The following RGS17 variants were observed in gnomAD, a reference collection of about 807,000 sequenced individuals.
The protein encoded by RGS17 is regulator of G protein signaling 17, also known as regulator of G-protein signaling 17.
A neutral mutation model predicts 25.5 loss-of-function variants in RGS17; 12 were observed. The observed-to-expected ratio is 0.47, with a 90% CI of 0.30 to 0.76. The LOEUF is 0.76. Among genes scored for constraint, RGS17 ranks in the 30% least tolerant of loss-of-function variants. The pLI is 0.07. For synonymous variants in RGS17, 71 were observed against 76.9 expected (o/e 0.92, Z 0.40); for missense variants, 196 against 242.2 (o/e 0.81, Z 1.27).
intron 1 of RGS17, among the ~76,000 whole-genome samples, chr6:153,075,899 T>G (rs1333588174): frequency 2.0e-5 from 3 of 152,160 alleles, no homozygotes; most frequent in Non-Finnish European, 4.4e-5. Context: ...TACAAAACAA[T>G]GACACATAGG....
At chr6:153,013,580 T>G (rs1211170346) in intron 4 of RGS17, among the ~76,000 whole-genome samples, 1 of 152,206 alleles carries the variant, frequency 6.6e-6, no homozygotes, top group Non-Finnish European at 1.5e-5. Flanking sequence ...CTGAGACTGG[T>G]CAAAAGCTGG....
intron 1 of RGS17, among the ~76,000 whole-genome samples, chr6:153,078,169 G>C (rs952186134): frequency 1.3e-5 from 2 of 152,106 alleles, no homozygotes; most frequent in Admixed American, 1.3e-4. Context: ...GCGCCCAGCT[G>C]ACTTACACTA....
intron 1 of RGS17, among the ~76,000 whole-genome samples, chr6:153,046,931 T>C (rs1304816741): frequency 6.6e-6 from 1 of 152,016 alleles, no homozygotes; most frequent in African/African-American, 2.4e-5. Context: ...TAAAAAGAAA[T>C]CTACACTTAT....
chr6:153,116,316 G>C (rs1354656051), intron 1 of RGS17, among the ~76,000 whole-genome samples: 1 of 152,078 alleles, frequency 6.6e-6, no homozygotes, highest in Non-Finnish European at 1.5e-5. Flanking sequence ...ACAAACACAT[G>C]AAAAAAAGCT....
chr6:153,115,524 T>C lies in RGS17; in HGVS notation c.-26+15600A>G, dbSNP rs149203033. Among the ~76,000 whole-genome samples the C allele has an allele frequency of 4.4e-3, 666 of 152,286 alleles. 3 individuals carry two copies. Among genetic ancestry groups the C allele is most frequent in the African/African-American group, 0.014 (586 of 41,562 alleles). ...CCAAAGTAATTTATAGATTCAATGC[T>C]ATCCCCATCTAGCTGCCATTGACTT... On this transcript the variant is annotated intron_variant, in intron 1 of 4. Transcript: ENST00000206262.
chr6:153,098,340 T>C (rs1777248217), intron 1 of RGS17, among the ~76,000 whole-genome samples: 4 of 152,174 alleles, frequency 2.6e-5, no homozygotes. Context: ...TGATGACATA[T>C]CAGGAACCAC....
chr6:153,096,963 T>C (rs1777222385), intron 1 of RGS17, among the ~76,000 whole-genome samples: 1 of 152,172 alleles, frequency 6.6e-6, no homozygotes, highest in African/African-American at 2.4e-5. Context: ...AGGGGAAGCA[T>C]CAAGAACCTG....
intron 1 of RGS17, among the ~76,000 whole-genome samples, chr6:153,116,652 T>G (rs867627951): frequency 1.3e-5 from 2 of 152,234 alleles, no homozygotes; most frequent in East Asian, 1.9e-4. Flanking sequence ...CTTTCCACAA[T>G]AGCAAAGACT....
At chr6:153,085,127 G>C (rs577942302) in intron 1 of RGS17, among the ~76,000 whole-genome samples, 1 of 152,052 alleles carries the variant, frequency 6.6e-6, no homozygotes, top group Non-Finnish European at 1.5e-5. Flanking sequence ...AGGACATACT[G>C]TTTGTTTTAC....
intron 4 of RGS17, 78 bp downstream of exon 4, chr6:153,024,184 T>C: frequency 1.1e-6 from 1 of 902,054 alleles, no homozygotes; most frequent in Non-Finnish European, 1.8e-6. Context: ...CCCCATGCCC[T>C]ACCCAATGTG....
chr6:153,058,767 C>G (rs1451407208), intron 1 of RGS17, among the ~76,000 whole-genome samples: 1 of 152,192 alleles, frequency 6.6e-6, no homozygotes, highest in African/African-American at 2.4e-5. Flanking sequence ...TACCCTGCTT[C>G]AGCTAAGCCA....
At chr6:153,084,277 A>G (rs1377046088) in intron 1 of RGS17, among the ~76,000 whole-genome samples, 1 of 152,190 alleles carries the variant, frequency 6.6e-6, no homozygotes, top group Non-Finnish European at 1.5e-5. Flanking sequence ...TCAGTTATAG[A>G]GCCTGTCTTC....
chr6:153,106,078 C>T (rs191203424), intron 1 of RGS17, among the ~76,000 whole-genome samples: 1 of 152,016 alleles, frequency 6.6e-6, no homozygotes, highest in Admixed American at 6.6e-5. Flanking sequence ...TAGACTGAGC[C>T]CTGGTTATGG....
chr6:153,069,739 C>CGTGTGTGTGTGTGT lies in RGS17; in HGVS notation c.-25-25710_-25-25697dup, dbSNP rs60117149. On this transcript the variant is annotated intron_variant, in intron 1 of 4. Transcript: ENST00000206262. Reference sequence around the variant, plus strand: ...ATGTACCCCATACATATATACACCTCGTGTGTGTGTGTGTGTGTGTGTGTG... The same window carrying CGTGTGTGTGTGTGT: ...ATGTACCCCATACATATATACACCTCGTGTGTGTGTGTGTGTGTGTGTGTGTGTGTGTGTGTGTG... Among the ~76,000 whole-genome samples the CGTGTGTGTGTGTGT allele has an allele frequency of 2.9e-3, 415 of 141,040 alleles. 4 individuals are homozygous for CGTGTGTGTGTGTGT. Among genetic ancestry groups the CGTGTGTGTGTGTGT allele is most frequent in the African/African-American group, 8.8e-3 (344 of 39,280 alleles). The allele number at this position is 141,040 out of a possible 152,430, so 92.5% of individuals were successfully genotyped here. A position where few individuals can be genotyped will look rare whatever the true frequency, so the allele number is the denominator to read the frequency against.
intron 1 of RGS17, among the ~76,000 whole-genome samples, chr6:153,123,349 G>A (rs757875093): frequency 6.6e-6 from 1 of 152,088 alleles, no homozygotes; most frequent in Admixed American, 6.5e-5. Flanking sequence ...TGACAAGAAT[G>A]TTAAATGTAG....
chr6:153,129,955 C>A (rs1240634650), intron 1 of RGS17, among the ~76,000 whole-genome samples: 2 of 151,960 alleles, frequency 1.3e-5, no homozygotes, highest in African/African-American at 4.8e-5. Context: ...GTACGCAGGG[C>A]GGGCGCGCGG....
chr6:153,108,159 C>A (rs1584160917), intron 1 of RGS17, among the ~76,000 whole-genome samples: 1 of 152,154 alleles, frequency 6.6e-6, no homozygotes, highest in South Asian at 2.1e-4. Context: ...TCATTTCATT[C>A]CCATTCTGGC....
At chr6:153,065,688 T>C (rs569054294) in intron 1 of RGS17, among the ~76,000 whole-genome samples, 3 of 152,226 alleles carry the variant, frequency 2.0e-5, no homozygotes, top group East Asian at 1.9e-4. Context: ...GACCAGTGGG[T>C]CAATGAAGAA....
At chr6:153,036,448 T>A (rs1279817573) in intron 2 of RGS17, among the ~76,000 whole-genome samples, 5 of 152,252 alleles carry the variant, frequency 3.3e-5, no homozygotes, top group African/African-American at 1.2e-4. Flanking sequence ...ATGTGGTGTG[T>A]CCTGAGGTTT....
Sources: gnomAD v4.1 joint callset for allele counts (sites outside exome capture counted in the v4.1 genomes callset) on GRCh38, gnomAD v4.1.1 for gene constraint, MANE v1.5 for transcripts, NCBI Gene and HGNC (gene_info 2026-07-23, HGNC 2026-07-21) for gene names.